BOLL: variants seen among roughly 807,000 people sequenced by gnomAD.
The protein encoded by BOLL is protein boule-like.
BOLL carries 23 observed loss-of-function variants against 44.4 expected under a neutral mutation model. That is an observed-to-expected ratio of 0.52 (90% CI 0.37 to 0.73). The LOEUF is 0.73. Ranked by LOEUF, BOLL falls within the 30% of genes least tolerant of loss-of-function variation. BOLL has a pLI of 0.00. For synonymous variants in BOLL, 97 were observed against 110.8 expected (o/e 0.88, Z 0.78); for missense variants, 287 against 338.3 (o/e 0.85, Z 1.19).
rs1218078478 is a variant in BOLL at position 197,729,370 on chromosome 2, C to G, written c.829-792G>C. 2.0e-5 allele frequency among the ~76,000 whole-genome samples: 3 copies of G among 152,284 alleles called. No homozygotes were observed. In the South Asian group the frequency reaches 6.2e-4, roughly 32 times the overall value. ...AGCAGTCTGAGCTCTAACTGCAAGG[C>G]GGCAGCGAGGCTGGGGGAGGGGCGC... On this transcript the variant is annotated intron_variant, in intron 10 of 10. Transcript: ENST00000392296.
At chr2:197,769,599 A>AC (rs1689145946) in intron 6 of BOLL, among the ~76,000 whole-genome samples, 1 of 151,908 alleles carries the variant, frequency 6.6e-6, no homozygotes, top group Non-Finnish European at 1.5e-5. Flanking sequence ...TATTTAGAAA[A>AC]CCCCATCATC....
intron 2 of BOLL, among the ~76,000 whole-genome samples, chr2:197,780,465 T>C (rs1689718286): frequency 6.6e-6 from 1 of 152,124 alleles, no homozygotes; most frequent in Admixed American, 6.6e-5. Flanking sequence ...TTTATATTTA[T>C]TGATAACTTA....
rs758525501 is a variant in BOLL at position 197,743,010 on chromosome 2, T to G, written c.828+51A>C. Reference sequence around the variant, plus strand: ...TTCTAGAAGAGAAAGTTGGAAAACTTGAAATATGATGGAAGAAAAACAAAG... The same window carrying G: ...TTCTAGAAGAGAAAGTTGGAAAACTGGAAATATGATGGAAGAAAAACAAAG... On this transcript the variant is annotated intron_variant, in intron 10 of 10. Coordinates refer to ENST00000392296, the MANE Select transcript of BOLL (RefSeq NM_033030.6). 3.4e-5 allele frequency: 47 copies of G among 1,402,544 alleles called. No individual in the cohort carries two copies. In the East Asian group the frequency reaches 9.8e-4, roughly 29 times the overall value. 86.9% of individuals were successfully genotyped at this position (1,402,544 alleles called of 1,614,324 possible).
chr2:197,786,176 G>C (rs1191008547), upstream of BOLL: 1 of 929,434 alleles, frequency 1.1e-6, no homozygotes, highest in Admixed American at 3.6e-5. The surrounding 1 kb of genome is among the most constrained non-coding windows in gnomAD (Gnocchi z 5.9). Flanking sequence ...CCCTGAACCT[G>C]CCACCTGGCG....
intron 7 of BOLL, among the ~76,000 whole-genome samples, chr2:197,760,016 C>A (rs144208950): frequency 1.6e-3 from 236 of 152,248 alleles, no homozygotes; most frequent in African/African-American, 5.4e-3. Flanking sequence ...GGCCTCGTGC[C>A]CACCCCTCCA....
In BOLL at chr2:197,728,399, CA is replaced by C. The variant is rs755280314; in HGVS notation, c.*155del. 71 of 1,188,768 alleles carry C rather than the reference CA, an allele frequency of 6.0e-5. No homozygotes were observed. In the Middle Eastern group the frequency reaches 9.8e-4, roughly 16 times the overall value. 73.6% of individuals were successfully genotyped at this position (1,188,768 alleles called of 1,614,324 possible). On this transcript the variant is annotated 3_prime_UTR_variant, in exon 11 of 11. Transcript: ENST00000392296. The stretch of plus-strand genomic sequence containing the variant: ...AAAAGCAAATTTCATCAAATTTAGA[CA>C]GCTTATAGTGGAATAACTGAGTATG...
intron 9 of BOLL, among the ~76,000 whole-genome samples, chr2:197,743,761 A>G (rs1687866110): frequency 6.6e-6 from 1 of 152,190 alleles, no homozygotes; most frequent in African/African-American, 2.4e-5. Flanking sequence ...CATATTAAAT[A>G]TTATCATATA....
At chr2:197,750,917 T>C (rs558629966) in intron 9 of BOLL, among the ~76,000 whole-genome samples, 1 of 152,148 alleles carries the variant, frequency 6.6e-6, no homozygotes, top group Non-Finnish European at 1.5e-5. Flanking sequence ...CCTCAGAAAA[T>C]GGTAAAGAAC....
Position 197,781,750 on chromosome 2 carries a change from C to T in BOLL, c.101G>A (p.Arg34His), listed in dbSNP as rs1265929699. ...APRYGTVIPN[R>H]IFVGGIDFKT... ...AAAATCAATTCCTCCTACAAAGATG[C>T]GATTAGGGATCACTGTTCCATATCT... The change falls in exon 2 of 11, where the codon CGC becomes CAC. Residue 34 changes from arginine to histidine, a missense_variant. Transcript: ENST00000392296. 10 of 1,571,044 alleles carry T rather than the reference C, an allele frequency of 6.4e-6. No homozygotes were observed. The highest frequency in any genetic ancestry group is 3.4e-5 in the Admixed American group (2 of 59,302).
chr2:197,734,368 C>G (rs915688725), intron 10 of BOLL, among the ~76,000 whole-genome samples: 1 of 152,232 alleles, frequency 6.6e-6, no homozygotes, highest in South Asian at 2.1e-4. Flanking sequence ...GTTGGTGGGA[C>G]TGTAAACCAG....
At chr2:197,755,094 A>G (rs1025908184) in intron 9 of BOLL, among the ~76,000 whole-genome samples, 1 of 152,244 alleles carries the variant, frequency 6.6e-6, no homozygotes, top group African/African-American at 2.4e-5. Flanking sequence ...AAAGGACACG[A>G]ACAGACACTT....
intron 7 of BOLL, among the ~76,000 whole-genome samples, chr2:197,766,249 CA>C (rs1333392593): frequency 6.6e-6 from 1 of 152,084 alleles, no homozygotes; most frequent in African/African-American, 2.4e-5. Context: ...GAGGAATCTC[CA>C]TACTGCTTTC....
chr2:197,749,031 G>A (rs1429272856), intron 9 of BOLL, among the ~76,000 whole-genome samples: 1 of 152,256 alleles, frequency 6.6e-6, no homozygotes, highest in African/African-American at 2.4e-5. Flanking sequence ...GAAGCTTCCA[G>A]AAGAAGGAGC....
At chr2:197,759,024 G>C in intron 7 of BOLL, 1 of 1,533,040 alleles carries the variant, frequency 6.5e-7, no homozygotes, top group Admixed American at 2.0e-5. Flanking sequence ...AAAAAAGAGA[G>C]GCATGATGTC....
At chr2:197,744,709 C>G (rs112527683) in intron 9 of BOLL, among the ~76,000 whole-genome samples, 2 of 152,168 alleles carry the variant, frequency 1.3e-5, no homozygotes, top group Non-Finnish European at 2.9e-5. Context: ...GTGCTGCACA[C>G]TATACAAAGA....
chr2:197,754,520 C>T (rs2106346036), intron 9 of BOLL, among the ~76,000 whole-genome samples: 1 of 152,094 alleles, frequency 6.6e-6, no homozygotes, highest in African/African-American at 2.4e-5. Context: ...CCATCCTGGC[C>T]AACACGGTGA....
At position 197,752,229 on chromosome 2, in the gene BOLL, A is replaced by AAAAC. The variant is rs201043660; in HGVS notation, c.729+4195_729+4198dup. On this transcript the variant is annotated intron_variant, in intron 9 of 10. Coordinates refer to ENST00000392296, the MANE Select transcript of BOLL (RefSeq NM_033030.6). ...GGCAAAAGCTGGAAGCATTCCCTTG[A>AAAAC]AAACCGGCACAAGACAAGGATGCCT... Among the ~76,000 whole-genome samples, 989 of 152,350 alleles carry AAAAC rather than the reference A, an allele frequency of 6.5e-3. 5 individuals are homozygous for AAAAC. The highest frequency in any genetic ancestry group is 0.024 in the Middle Eastern group (7 of 294).
intron 10 of BOLL, 137 bp from the exon 11 acceptor site, chr2:197,728,715 T>TA: frequency 4.7e-6 from 3 of 633,910 alleles, no homozygotes; most frequent in Non-Finnish European, 8.0e-6. Context: ...ATTAGAATGT[T>TA]ACAAAGTGAG....
chr2:197,731,987 C>CA lies in BOLL; in HGVS notation c.829-3410dup, dbSNP rs1257701978. Among the ~76,000 whole-genome samples, 4 of 149,720 alleles carry CA rather than the reference C, an allele frequency of 2.7e-5. 1 individual carries two copies. The highest frequency in any genetic ancestry group is 2.1e-4 in the South Asian group (1 of 4,656). On this transcript the variant is annotated intron_variant, in intron 10 of 10. Coordinates refer to ENST00000392296, the MANE Select transcript of BOLL (RefSeq NM_033030.6). ...AGCAGAACTGAAGGAAATAGAGACA[C>CA]AAAAAACCCTTCAAAAAATTAATGA...
Sources: allele counts gnomAD v4.1 joint callset (sites outside exome capture counted in the v4.1 genomes callset), GRCh38; gene constraint gnomAD v4.1.1; non-coding constraint Gnocchi (gnomAD v3.1); transcripts MANE v1.5; gene names NCBI Gene and HGNC (gene_info 2026-07-23, HGNC 2026-07-21).